The following RORC variants were observed in gnomAD, a reference collection of about 807,000 sequenced individuals.
RORC encodes nuclear receptor ROR-gamma.
Under a neutral mutation model 64.5 loss-of-function variants are expected in RORC, and 13 were observed. The ratio of observed to expected loss-of-function variants is 0.20; its 90% CI spans 0.13 to 0.32. The LOEUF (loss-of-function observed/expected upper bound fraction) is 0.32, where lower values mean the gene tolerates loss of function less well. RORC is among the 10% of genes least tolerant of loss of function. The pLI is 1.00. For missense variants in RORC, 468 were observed against 669.5 expected (o/e 0.70, Z 3.32); for synonymous variants, 277 against 259.3 (o/e 1.07, Z -0.65).
In RORC at chr1:151,830,818, C is replaced by CCA; in HGVS notation, c.40+906_40+907insTG. 1 of 575,258 alleles carries CCA rather than the reference C, an allele frequency of 1.7e-6. No individual in the cohort carries two copies. Among genetic ancestry groups the CCA allele is most frequent in the Non-Finnish European group, 2.7e-6 (1 of 376,962 alleles). 35.6% of individuals were successfully genotyped at this position (575,258 alleles called of 1,614,324 possible). ...CCCCACCCAGCCCCGCCCACCTCCC[C>CCA]TTGCTCCTGCCTGGCCCCACCCAGC... On this transcript the variant is annotated intron_variant, in intron 1 of 10. Transcript: ENST00000318247. The surrounding 1 kb of genome is among the most constrained non-coding windows in gnomAD (Gnocchi z 4.0).
chr1:151,824,497 G>A (rs1394208865), intron 2 of RORC, among the ~76,000 whole-genome samples: 2 of 152,206 alleles, frequency 1.3e-5, no homozygotes, highest in Non-Finnish European at 2.9e-5. Context: ...AAGGGAAACG[G>A]AAGCTCCAAG....
intron 4 of RORC, among the ~76,000 whole-genome samples, chr1:151,816,155 G>A (rs887497081): frequency 3.3e-5 from 5 of 152,194 alleles, no homozygotes; most frequent in Non-Finnish European, 7.3e-5. Context: ...AGACTGGTGA[G>A]GAGGTGGTGG....
intron 10 of RORC, among the ~76,000 whole-genome samples, chr1:151,811,066 C>T (rs767292928): frequency 2.6e-5 from 4 of 152,206 alleles, no homozygotes; most frequent in Non-Finnish European, 4.4e-5. Context: ...CAAGCAGGTG[C>T]TGGGTAAGTG....
chr1:151,810,816 A>C (rs568418136), intron 10 of RORC, among the ~76,000 whole-genome samples: 1 of 152,242 alleles, frequency 6.6e-6, no homozygotes, highest in Non-Finnish European at 1.5e-5. Flanking sequence ...TACAGGCGTG[A>C]GCCACTGTGC....
Position 151,831,788 on chromosome 1 carries a change from C to T in RORC, c.-24G>A, listed in dbSNP as rs1265166865. 1.9e-6 allele frequency: 3 copies of T among 1,603,154 alleles called. No homozygotes were observed. Among genetic ancestry groups the T allele is most frequent in the Non-Finnish European group, 2.5e-6 (3 of 1,178,734 alleles). Reference sequence around the variant, plus strand: ...ATGGGGCAGCTCCCTTGGTGCCGTCCTGGCTGCCCTGGCTGCCCAGGAGGG... The same window carrying T: ...ATGGGGCAGCTCCCTTGGTGCCGTCTTGGCTGCCCTGGCTGCCCAGGAGGG... On this transcript the variant is annotated 5_prime_UTR_variant, in exon 1 of 11. Coordinates refer to ENST00000318247, the MANE Select transcript of RORC (RefSeq NM_005060.4).
intron 1 of RORC, 90 bp from the exon 2 acceptor site, chr1:151,829,548 A>G: frequency 2.5e-6 from 3 of 1,200,610 alleles, no homozygotes; most frequent in South Asian, 4.0e-5. Flanking sequence ...CCACTGCCGC[A>G]CTCCTTCCCT....
At chr1:151,829,144 G>A (rs377244833) in intron 2 of RORC, among the ~76,000 whole-genome samples, 7 of 133,728 alleles carry the variant, frequency 5.2e-5, no homozygotes, top group African/African-American at 1.7e-4. Context: ...CCCTGCCTCT[G>A]TCCAGCATTT....
chr1:151,809,456 G>A (rs1484554745), intron 10 of RORC, among the ~76,000 whole-genome samples: 2 of 152,054 alleles, frequency 1.3e-5, no homozygotes, highest in Non-Finnish European at 2.9e-5. Context: ...CAGGAGTAGG[G>A]CATGATGAGA....
At chr1:151,809,482 G>A (rs553658293) in intron 10 of RORC, among the ~76,000 whole-genome samples, 2 of 151,678 alleles carry the variant, frequency 1.3e-5, no homozygotes, top group African/African-American at 4.9e-5. Context: ...TTTTTAAAAG[G>A]GCTACCGTGG....
At chr1:151,814,411 C>T (rs965660807) in intron 6 of RORC, 163 bp downstream of exon 6, 1 of 674,772 alleles carries the variant, frequency 1.5e-6, no homozygotes, top group African/African-American at 1.8e-5. Context: ...GACAGATACA[C>T]ACATTCGCAA....
chr1:151,830,661 C>G lies in RORC; in HGVS notation c.40+1064G>C, dbSNP rs971498097. Among the ~76,000 whole-genome samples the G allele has an allele frequency of 2.7e-5, 4 of 150,702 alleles. No individual in the cohort carries two copies. The highest frequency in any genetic ancestry group is 9.9e-5 in the African/African-American group (4 of 40,406). ...ACACACACACACACACACACACACA[C>G]AGTGCCCTTCTGCCCGGGAGATGCT... On this transcript the variant is annotated intron_variant, in intron 1 of 10. Transcript: ENST00000318247. The surrounding 1 kb of genome is among the most constrained non-coding windows in gnomAD (Gnocchi z 4.0).
chr1:151,831,535 C>A, intron 1 of RORC, 190 bp downstream of exon 1: 1 of 516,234 alleles, frequency 1.9e-6, no homozygotes, highest in Non-Finnish European at 2.5e-6. Flanking sequence ...ATTTCTTCTC[C>A]TCTGTCATCT....
chr1:151,831,097 G>T (rs1054072927), intron 1 of RORC: 1 of 1,288,532 alleles, frequency 7.8e-7, no homozygotes, highest in Non-Finnish European at 1.0e-6. Flanking sequence ...CTGACATTCT[G>T]TCCTTCCCTG....
chr1:151,830,884 G>C lies in RORC; in HGVS notation c.40+841C>G, dbSNP rs1231725446. 1.1e-5 allele frequency: 14 copies of C among 1,220,152 alleles called. No homozygotes were observed. The Admixed American group carries it at 3.4e-4, about 29-fold the overall frequency. The allele number at this position is 1,220,152 out of a possible 1,614,324, so 75.6% of individuals were successfully genotyped here. A position where few individuals can be genotyped will look rare whatever the true frequency, so the allele number is the denominator to read the frequency against. On this transcript the variant is annotated intron_variant, in intron 1 of 10. Coordinates refer to ENST00000318247, the MANE Select transcript of RORC (RefSeq NM_005060.4). This position sits in a 1 kb window ranked among gnomAD's most constrained non-coding sequence, Gnocchi z 4.0. ...GCACCGGCTCCTGGCCTCTAGCCTT[G>C]CACCTCAGAGCAGTCCTGTGGTGGG...
intron 10 of RORC, among the ~76,000 whole-genome samples, chr1:151,808,486 T>C (rs1336745998): frequency 6.6e-6 from 1 of 152,206 alleles, no homozygotes; most frequent in African/African-American, 2.4e-5. Flanking sequence ...CTTAGTTTCC[T>C]TGGAAAGAGG....
intron 2 of RORC, chr1:151,825,809 TGACCAG>T (rs1190646193): frequency 8.3e-7 from 1 of 1,211,398 alleles, no homozygotes; most frequent in Non-Finnish European, 1.2e-6. Flanking sequence ...ATCTTGACCT[TGACCAG>T]GACGCACCCT....
chr1:151,814,327 G>C (rs1187557130), intron 6 of RORC: 11 of 454,778 alleles, frequency 2.4e-5, no homozygotes, highest in Non-Finnish European at 4.3e-5. Context: ...TGGTAGAGGA[G>C]GTAGGATGAA....
chr1:151,829,262 C>T (rs1168963198), intron 2 of RORC, among the ~76,000 whole-genome samples, 167 bp downstream of exon 2: 2 of 152,134 alleles, frequency 1.3e-5, no homozygotes, highest in South Asian at 2.1e-4. Flanking sequence ...CCTCCCACTG[C>T]CCTGATCTGT....
At chr1:151,822,633 CCCAGACGTCA>C (rs1292588469) in intron 2 of RORC, among the ~76,000 whole-genome samples, 1 of 152,166 alleles carries the variant, frequency 6.6e-6, no homozygotes, top group African/African-American at 2.4e-5. Flanking sequence ...CGAGTGGGAG[CCCAGACGTCA>C]CCATCAGCAC....
Sources: allele counts gnomAD v4.1 joint callset (sites outside exome capture counted in the v4.1 genomes callset), GRCh38; gene constraint gnomAD v4.1.1; non-coding constraint Gnocchi (gnomAD v3.1); transcripts MANE v1.5; gene names NCBI Gene and HGNC (gene_info 2026-07-23, HGNC 2026-07-21).